CUX1: variants seen among roughly 807,000 people sequenced by gnomAD.
CUX1 encodes the protein cut like homeobox 1.
In CUX1, 31 loss-of-function variants were observed where a neutral mutation model predicts 158.8. The observed-to-expected ratio is 0.20, with a 90% CI of 0.15 to 0.26. CUX1 has a LOEUF of 0.26. CUX1 is among the 10% of genes least tolerant of loss of function. The pLI is 1.00. For missense variants in CUX1, 1,589 were observed against 2,014.6 expected, an observed-to-expected ratio of 0.79 and a Z score of 4.04; for synonymous variants, 879 against 862.1, an observed-to-expected ratio of 1.02 and a Z score of -0.34.
Position 102,249,897 on chromosome 7 carries a change from T to G in CUX1, c.*855T>G. Reference sequence around the variant, plus strand: ...AAAAGAAAACGTCACATCAGGAAACTCTGATTTTGTGGTAGCTGACATAGT... The same window carrying G: ...AAAAGAAAACGTCACATCAGGAAACGCTGATTTTGTGGTAGCTGACATAGT... On this transcript the variant is annotated 3_prime_UTR_variant, in exon 24 of 24. Coordinates refer to ENST00000292535, the MANE Select transcript of CUX1 (RefSeq NM_181552.4). 2.0e-6 allele frequency: 2 copies of G among 985,718 alleles called. No individual in the cohort carries two copies. Among genetic ancestry groups the G allele is most frequent in the Non-Finnish European group, 2.4e-6 (2 of 829,908 alleles). The allele number at this position is 985,718 out of a possible 1,614,324, so 61.1% of individuals were successfully genotyped here. A position where few individuals can be genotyped will look rare whatever the true frequency, so the allele number is the denominator to read the frequency against.
chr7:101,982,740 AC>A (rs1480710163), intron 2 of CUX1, among the ~76,000 whole-genome samples: 1 of 150,840 alleles, frequency 6.6e-6, no homozygotes, highest in African/African-American at 2.4e-5. Flanking sequence ...TTTTTATTAT[AC>A]TTTAAGTTCT....
intron 22 of CUX1, among the ~76,000 whole-genome samples, chr7:102,234,757 TAAA>T (rs34652160): frequency 3.3e-4 from 36 of 109,576 alleles, no homozygotes; most frequent in African/African-American, 3.4e-4. Flanking sequence ...CCCTCACTAC[TAAA>T]AAAAAAAAAA....
intron 7 of CUX1, among the ~76,000 whole-genome samples, chr7:102,112,786 G>A (rs1243153087): frequency 6.6e-6 from 1 of 151,946 alleles, no homozygotes; most frequent in Non-Finnish European, 1.5e-5. Context: ...GGCCAGTCCG[G>A]TCTGTATCTC....
intron 8 of CUX1, among the ~76,000 whole-genome samples, chr7:102,149,085 A>C (rs992263263): frequency 6.6e-6 from 1 of 152,026 alleles, no homozygotes; most frequent in Non-Finnish European, 1.5e-5. Flanking sequence ...TGCCGTCTTT[A>C]TTTGCAGATG....
At position 101,916,147 on chromosome 7, in the gene CUX1, G is replaced by T. The variant is rs150487622; in HGVS notation, c.63G>T (p.Ala21=). The change falls in exon 2 of 24, where the codon GCG becomes GCT. Residue 21 remains alanine, a synonymous_variant. Transcript: ENST00000292535. This position sits in a 1 kb window ranked among gnomAD's most constrained non-coding sequence, Gnocchi z 4.4. Reference sequence around the variant, plus strand: ...TCGATGCCACCGCAACGGTATTGGCGAACCGGCAGGATGAAAGTGAGCAGT... The same window carrying T: ...TCGATGCCACCGCAACGGTATTGGCTAACCGGCAGGATGAAAGTGAGCAGT... ...RELDATATVL[A]NRQDESEQSR... 22 of 1,613,848 alleles carry T rather than the reference G, an allele frequency of 1.4e-5. No homozygotes were observed. In the South Asian group the frequency reaches 2.3e-4, roughly 17 times the overall value.
intron 23 of CUX1, among the ~76,000 whole-genome samples, chr7:102,241,182 A>G (rs186940329): frequency 1.1e-4 from 16 of 152,312 alleles, no homozygotes; most frequent in Admixed American, 6.5e-5. Flanking sequence ...GTCAGGCCCC[A>G]GTGCTGTCTT....
At chr7:102,178,943 C>T (rs1204167666) in intron 11 of CUX1, among the ~76,000 whole-genome samples, 1 of 152,238 alleles carries the variant, frequency 6.6e-6, no homozygotes, top group Non-Finnish European at 1.5e-5. Flanking sequence ...CGGCTCACTG[C>T]AGCCTCCGCC....
chr7:101,816,820 C>T, upstream of CUX1: 1 of 618,050 alleles, frequency 1.6e-6, no homozygotes, highest in Non-Finnish European at 2.0e-6. Context: ...GGCAGGCGCC[C>T]GCGCTCGCTA....
chr7:102,161,797 G>A (rs1790453542), intron 9 of CUX1, among the ~76,000 whole-genome samples: 1 of 152,006 alleles, frequency 6.6e-6, no homozygotes, highest in Non-Finnish European at 1.5e-5. Flanking sequence ...TAGTAGAGAC[G>A]GGGTTTCACC....
chr7:102,077,488 G>A lies in CUX1; in HGVS notation c.268+7071G>A, dbSNP rs1397322784. Among the ~76,000 whole-genome samples, 11 of 140,506 alleles carry A rather than the reference G, an allele frequency of 7.8e-5. No individual in the cohort carries two copies. The South Asian group carries it at 2.0e-3, about 26-fold the overall frequency. 92.2% of individuals were successfully genotyped at this position (140,506 alleles called of 152,430 possible). ...GAGAGGTATTTGAGGCCAGGAGTTC[G>A]AGACCAGCCTGGGCAACATAGCAAA... is the stretch of plus-strand genomic sequence containing the variant. On this transcript the variant is annotated intron_variant, in intron 4 of 23. Coordinates refer to ENST00000292535, the MANE Select transcript of CUX1 (RefSeq NM_181552.4).
rs770417446 is a variant in CUX1, at chr7:102,070,371, T to C, written c.222T>C (p.Ala74=). Residue 74 remains alanine, a synonymous_variant, in exon 4 of 24, where the codon GCT becomes GCC. Coordinates refer to ENST00000292535, the MANE Select transcript of CUX1 (RefSeq NM_181552.4). ...IDALSKRSKE[A]EAAFLNVYKR... is the part of the protein sequence containing the mutation. ...CACTGAGTAAAAGAAGCAAGGAAGC[T>C]GAAGCAGCTTTCTTGAATGTCTACA... is the stretch of plus-strand genomic sequence containing the variant. 4 of 1,610,000 alleles carry C rather than the reference T, an allele frequency of 2.5e-6. No homozygotes were observed. Among genetic ancestry groups the C allele is most frequent in the Non-Finnish European group, 3.4e-6 (4 of 1,179,182 alleles).
At chr7:102,005,547 G>A (rs1243899516) in intron 2 of CUX1, among the ~76,000 whole-genome samples, 5 of 152,036 alleles carry the variant, frequency 3.3e-5, no homozygotes, top group African/African-American at 1.2e-4. Flanking sequence ...TCTTTCCCAG[G>A]CTGGTCTCAA....
At chr7:101,862,774 T>G (rs540296914) in intron 1 of CUX1, among the ~76,000 whole-genome samples, 1 of 152,164 alleles carries the variant, frequency 6.6e-6, no homozygotes, top group East Asian at 1.9e-4. Flanking sequence ...TGTGTGTGTG[T>G]GTGTGGAAAG....
intron 3 of CUX1, among the ~76,000 whole-genome samples, chr7:102,046,890 TC>T (rs1390104343): frequency 2.0e-5 from 3 of 152,104 alleles, no homozygotes; most frequent in South Asian, 2.1e-4. Flanking sequence ...TCACTTCTGT[TC>T]TTGACAGCTT....
At chr7:102,001,383 G>T (rs1816668588) in intron 2 of CUX1, among the ~76,000 whole-genome samples, 1 of 151,658 alleles carries the variant, frequency 6.6e-6, no homozygotes, top group Non-Finnish European at 1.5e-5. Flanking sequence ...TTGCTCTCTT[G>T]CCCAGGCTGG....
chr7:102,230,677 T>C (rs1798866114), intron 21 of CUX1, among the ~76,000 whole-genome samples: 3 of 152,024 alleles, frequency 2.0e-5, no homozygotes. Context: ...ATTAAGTCAA[T>C]TCATAAAAAT....
chr7:102,228,204 G>A (rs1798558314), intron 21 of CUX1, among the ~76,000 whole-genome samples: 1 of 151,238 alleles, frequency 6.6e-6, no homozygotes, highest in African/African-American at 2.4e-5. Context: ...GCCCACCTCA[G>A]CCTCCAAAAT....
chr7:102,176,466 T>A (rs1792348479), intron 10 of CUX1, among the ~76,000 whole-genome samples: 1 of 151,634 alleles, frequency 6.6e-6, no homozygotes, highest in Non-Finnish European at 1.5e-5. Context: ...ACCATGCAGC[T>A]CTGCCCTCTC....
chr7:102,173,577 G>A (rs1266534284), intron 10 of CUX1, among the ~76,000 whole-genome samples: 10 of 152,244 alleles, frequency 6.6e-5, no homozygotes, highest in South Asian at 6.2e-4. Flanking sequence ...CAGGGTCAGC[G>A]GCTTCCCCTG....
Sources: allele counts gnomAD v4.1 joint callset (sites outside exome capture counted in the v4.1 genomes callset), GRCh38; gene constraint gnomAD v4.1.1; non-coding constraint Gnocchi (gnomAD v3.1); transcripts MANE v1.5; gene names NCBI Gene and HGNC (gene_info 2026-07-23, HGNC 2026-07-21).